TRAK1: variants seen among roughly 807,000 people sequenced by gnomAD.
The protein encoded by TRAK1 is trafficking kinesin-binding protein 1.
In TRAK1, 33 loss-of-function variants were observed where a neutral mutation model predicts 92.1. That is an observed-to-expected ratio of 0.36 (90% CI 0.27 to 0.48). The LOEUF (loss-of-function observed/expected upper bound fraction) is 0.48. TRAK1 is among the 20% of genes least tolerant of loss of function. The probability of loss-of-function intolerance (pLI) is 0.99; values close to 1 mark genes in which losing one functional copy is unlikely to be tolerated. For missense variants in TRAK1, 1,123 were observed against 1,257.9 expected, an observed-to-expected ratio of 0.89 and a Z score of 1.62; for synonymous variants, 521 against 517.3, an observed-to-expected ratio of 1.01 and a Z score of -0.10.
At chr3:42,127,561 A>G (rs956137516) in intron 2 of TRAK1, among the ~76,000 whole-genome samples, 14 of 151,428 alleles carry the variant, frequency 9.2e-5, no homozygotes, top group East Asian at 5.8e-4. Flanking sequence ...GGGTCTCCCT[A>G]TGTTGCCCAG....
intron 1 of TRAK1, among the ~76,000 whole-genome samples, chr3:42,017,020 G>A (rs1374446885): frequency 6.6e-6 from 1 of 152,134 alleles, no homozygotes; most frequent in South Asian, 2.1e-4. Flanking sequence ...AGCACTTTGG[G>A]AGGCCAAGGC....
chr3:42,184,681 G>A lies in TRAK1; in HGVS notation c.364-4G>A. The stretch of plus-strand genomic sequence containing the variant: ...ATCTCTGTTCTCCCTCTTTCCTTTT[G>A]TAGAAAGAGCGGGATTTAGAATTGG... On this transcript the variant is annotated splice_polypyrimidine_tract_variant and splice_region_variant and intron_variant, in intron 3 of 15. Coordinates refer to ENST00000327628, the MANE Select transcript of TRAK1 (RefSeq NM_001042646.3). 1 of 1,613,374 alleles carries A rather than the reference G, an allele frequency of 6.2e-7. No individual in the cohort carries two copies. The highest frequency in any genetic ancestry group is 8.5e-7 in the Non-Finnish European group (1 of 1,179,482).
intron 2 of TRAK1, among the ~76,000 whole-genome samples, chr3:42,131,365 C>T (rs1697173722): frequency 1.3e-5 from 2 of 152,218 alleles, no homozygotes; most frequent in Admixed American, 6.5e-5. Flanking sequence ...CTTTCTTTTT[C>T]CTCTTCCTCT....
chr3:42,082,911 T>C (rs1017498471), upstream of TRAK1, among the ~76,000 whole-genome samples: 1 of 152,262 alleles, frequency 6.6e-6, no homozygotes. Flanking sequence ...TGTTGATACA[T>C]TAATATCTGT....
chr3:42,080,063 C>T (rs1704359967), intron 1 of TRAK1, among the ~76,000 whole-genome samples: 1 of 152,152 alleles, frequency 6.6e-6, no homozygotes, highest in Non-Finnish European at 1.5e-5. Flanking sequence ...GATGAGGGGT[C>T]TGAGGCCCAG....
chr3:42,222,221 G>A (rs1326218478), intron 15 of TRAK1, among the ~76,000 whole-genome samples: 1 of 152,110 alleles, frequency 6.6e-6, no homozygotes, highest in East Asian at 1.9e-4. Context: ...GCCTTTCCCT[G>A]GGTAGCACCG....
intron 1 of TRAK1, among the ~76,000 whole-genome samples, chr3:42,065,572 A>C (rs151186965): frequency 2.2e-3 from 333 of 152,164 alleles, no homozygotes; most frequent in African/African-American, 7.5e-3. Context: ...GACAATATCA[A>C]ACTGAATAGC....
At chr3:42,052,552 C>CAA (rs1212378855) in intron 1 of TRAK1, among the ~76,000 whole-genome samples, 2 of 152,146 alleles carry the variant, frequency 1.3e-5, no homozygotes, top group Non-Finnish European at 2.9e-5. Flanking sequence ...GATTCAGCCT[C>CAA]TGATTTAGGA....
intron 14 of TRAK1, chr3:42,210,791 C>G (rs774176785): frequency 1.6e-5 from 16 of 985,456 alleles, no homozygotes; most frequent in Non-Finnish European, 1.9e-5. Flanking sequence ...CGTCACTAAG[C>G]TTTTCCAGAG....
At position 42,160,359 on chromosome 3, in the gene TRAK1, G is replaced by A. The variant is rs774076455; in HGVS notation, c.287-16455G>A. ...ATGTTTTGGCTTTGGGGTGACTTCA[G>A]CAATGTCCCTGCGAGACAAGGGCGG... On this transcript the variant is annotated intron_variant, in intron 2 of 15. Transcript: ENST00000327628. 5.6e-6 allele frequency: 9 copies of A among 1,614,102 alleles called. No homozygotes were observed. The South Asian group carries it at 8.8e-5, about 16-fold the overall frequency.
At chr3:42,116,838 C>G (rs960022651) in intron 1 of TRAK1, among the ~76,000 whole-genome samples, 1 of 152,026 alleles carries the variant, frequency 6.6e-6, no homozygotes, top group Admixed American at 6.6e-5. Flanking sequence ...AAAGATGGAC[C>G]TCTGTATGGT....
chr3:42,216,824 T>C (rs1241031022), intron 14 of TRAK1, among the ~76,000 whole-genome samples: 6 of 152,184 alleles, frequency 3.9e-5, no homozygotes, highest in Non-Finnish European at 8.8e-5. Context: ...GCCTGTCTCT[T>C]CAAAACACTA....
chr3:42,029,453 G>C (rs1702037688), intron 1 of TRAK1, among the ~76,000 whole-genome samples: 1 of 151,394 alleles, frequency 6.6e-6, no homozygotes, highest in Admixed American at 6.6e-5. Context: ...TGTTGCCCAG[G>C]GTAGTCTTGA....
chr3:42,035,612 CACCTCCCAG>C (rs1275235710), intron 1 of TRAK1, among the ~76,000 whole-genome samples: 1 of 152,206 alleles, frequency 6.6e-6, no homozygotes, highest in Non-Finnish European at 1.5e-5. Context: ...TCTGGTCAGT[CACCTCCCAG>C]ATCTCCCTAA....
chr3:42,152,885 C>T (rs1700109496), intron 2 of TRAK1, among the ~76,000 whole-genome samples: 1 of 152,152 alleles, frequency 6.6e-6, no homozygotes, highest in Non-Finnish European at 1.5e-5. Flanking sequence ...TTTTGTACTT[C>T]ATGTGGCCAT....
chr3:42,088,031 A>G (rs1010693533), upstream of TRAK1, among the ~76,000 whole-genome samples: 4 of 152,220 alleles, frequency 2.6e-5, no homozygotes, highest in African/African-American at 7.2e-5. Context: ...AGGGCTCTCA[A>G]TGGAAATGGT....
rs191214389 is a variant in TRAK1, at chr3:42,219,198, C to T, written c.1964-296C>T. On this transcript the variant is annotated intron_variant, in intron 14 of 15. Coordinates refer to ENST00000327628, the MANE Select transcript of TRAK1 (RefSeq NM_001042646.3). ...CCACAAAGGCCCATTACCCCACCCCCCTCGCCTCCCACCCCCAGACTGGAT... is the reference window on the plus strand; with the variant it reads ...CCACAAAGGCCCATTACCCCACCCCTCTCGCCTCCCACCCCCAGACTGGAT... 1.1e-5 allele frequency: 11 copies of T among 985,186 alleles called. No individual in the cohort carries two copies. In the Admixed American group the frequency reaches 6.8e-4, roughly 61 times the overall value. 61.0% of individuals were successfully genotyped at this position (985,186 alleles called of 1,614,324 possible).
chr3:42,214,397 A>C (rs111447795), intron 14 of TRAK1, among the ~76,000 whole-genome samples: 1 of 152,202 alleles, frequency 6.6e-6, no homozygotes, highest in African/African-American at 2.4e-5. Flanking sequence ...TCTGCCACAG[A>C]AGGAAGGACA....
At chr3:42,159,107 T>C (rs140233527) in intron 2 of TRAK1, among the ~76,000 whole-genome samples, 2 of 152,160 alleles carry the variant, frequency 1.3e-5, no homozygotes, top group East Asian at 3.9e-4. Context: ...TTTATGGAGG[T>C]AGTAATTCAA....
Sources: allele counts gnomAD v4.1 joint callset (sites outside exome capture counted in the v4.1 genomes callset), GRCh38; gene constraint gnomAD v4.1.1; transcripts MANE v1.5; gene names NCBI Gene and HGNC (gene_info 2026-07-23, HGNC 2026-07-21).